Variants in TACC1 observed in about 807,000 individuals in gnomAD.
TACC1 encodes transforming acidic coiled-coil-containing protein 1.
Under a neutral mutation model 84.4 loss-of-function variants are expected in TACC1, and 48 were observed. The ratio of observed to expected loss-of-function variants is 0.57; its 90% CI spans 0.45 to 0.72. The LOEUF (loss-of-function observed/expected upper bound fraction) is 0.72. TACC1 is among the 30% of genes least tolerant of loss of function. TACC1 has a pLI of 0.00. For missense variants in TACC1, 920 were observed against 973.0 expected (o/e 0.95, Z 0.72); for synonymous variants, 372 against 376.3 (o/e 0.99, Z 0.13).
chr8:38,760,612 C>A (rs1249945333), intron 3 of TACC1, among the ~76,000 whole-genome samples: 1 of 151,988 alleles, frequency 6.6e-6, no homozygotes, highest in Non-Finnish European at 1.5e-5. Flanking sequence ...CTCACTGCAA[C>A]CTTCAGGTTC....
upstream of TACC1, among the ~76,000 whole-genome samples, chr8:38,783,428 T>C (rs1816537611): frequency 6.6e-6 from 1 of 150,720 alleles, no homozygotes; most frequent in Non-Finnish European, 1.5e-5. Flanking sequence ...GTATTTTCTT[T>C]TTTTTTTTTT....
At chr8:38,828,125 T>C (rs181630377) in intron 5 of TACC1, 105 of 152,542 alleles carry the variant, frequency 6.9e-4, no homozygotes, top group African/African-American at 2.1e-3. Context: ...TTTGTGATTG[T>C]TATACTCATT....
At chr8:38,798,216 A>C (rs1820448982) in intron 2 of TACC1, among the ~76,000 whole-genome samples, 1 of 151,540 alleles carries the variant, frequency 6.6e-6, no homozygotes, top group African/African-American at 2.4e-5. Context: ...CTCAACTCCC[A>C]GTCTTAAGGG....
chr8:38,814,185 T>C (rs1824889192), intron 2 of TACC1, among the ~76,000 whole-genome samples: 1 of 152,210 alleles, frequency 6.6e-6, no homozygotes, highest in Non-Finnish European at 1.5e-5. Context: ...GTGATATTAA[T>C]ATTCTGTAGG....
At chr8:38,747,504 G>T (rs1168669376) in intron 3 of TACC1, among the ~76,000 whole-genome samples, 2 of 152,136 alleles carry the variant, frequency 1.3e-5, no homozygotes, top group African/African-American at 4.8e-5. Context: ...CCAGACAATG[G>T]AATATTATTC....
chr8:38,795,656 G>C (rs955849714), intron 2 of TACC1, among the ~76,000 whole-genome samples: 11 of 152,176 alleles, frequency 7.2e-5, no homozygotes, highest in Non-Finnish European at 1.6e-4. Context: ...CCTAAATCCA[G>C]AGTAGCGATG....
At chr8:38,733,965 A>G (rs1167975211) in intron 1 of TACC1, among the ~76,000 whole-genome samples, 3 of 152,118 alleles carry the variant, frequency 2.0e-5, no homozygotes, top group Non-Finnish European at 2.9e-5. Flanking sequence ...TCCCTGCCTC[A>G]AATAATGCAC....
intron 5 of TACC1, among the ~76,000 whole-genome samples, chr8:38,829,053 C>G (rs1178354304): frequency 1.3e-5 from 2 of 152,146 alleles, no homozygotes; most frequent in African/African-American, 4.8e-5. Flanking sequence ...TAGAGCTAAG[C>G]CCCTCTTTCT....
chr8:38,769,758 G>T (rs1203983674), intron 3 of TACC1, among the ~76,000 whole-genome samples: 1 of 147,328 alleles, frequency 6.8e-6, no homozygotes, highest in African/African-American at 2.5e-5. Flanking sequence ...GTGTGTGTAT[G>T]TGTATGCGAG....
chr8:38,787,726 CA>C lies in TACC1; in HGVS notation c.147del (p.Lys49AsnfsTer3). 6.5e-7 allele frequency: 1 copy of C among 1,547,056 alleles called. No homozygotes were observed. The highest frequency in any genetic ancestry group is 8.7e-7 in the Non-Finnish European group (1 of 1,154,938). ...PEEEDSQAET[K>X]SLSFSSDSEG... ...AGGAGGAGGATTCGCAAGCCGAGAC[CA>C]AATCCTTGAGTTTCAGGCAAGTACA... On this transcript the variant is annotated frameshift_variant, in exon 1 of 13. Transcript: ENST00000317827. LOFTEE classifies it high-confidence loss of function.
intron 3 of TACC1, among the ~76,000 whole-genome samples, chr8:38,765,877 T>TA (rs1812150957): frequency 7.0e-6 from 1 of 142,050 alleles, no homozygotes; most frequent in Non-Finnish European, 1.6e-5. Flanking sequence ...TTCTCATAGA[T>TA]TTTTTTTTTA....
intron 2 of TACC1, among the ~76,000 whole-genome samples, chr8:38,744,725 C>T (rs147057125): frequency 0.012 from 1,694 of 139,718 alleles, 12 homozygotes; most frequent in Non-Finnish European, 0.015. Flanking sequence ...GAACTATTTT[C>T]GGTATTCTTT....
rs112794381 is a variant in TACC1, at chr8:38,790,368, G to A, written c.277+1549G>A. ...TCACATTCATAGGTACTAGGAGTTG[G>A]GACTTTAACATATCATTTTGAGAGA... is the stretch of plus-strand genomic sequence containing the variant. On this transcript the variant is annotated intron_variant, in intron 2 of 12. Coordinates refer to ENST00000317827, the MANE Select transcript of TACC1 (RefSeq NM_006283.3). 7.9e-3 allele frequency among the ~76,000 whole-genome samples: 1,210 copies of A among 152,232 alleles called. 14 individuals are homozygous for A. The highest frequency in any genetic ancestry group is 0.027 in the African/African-American group (1,140 of 41,524).
chr8:38,756,787 A>G (rs892326083), intron 3 of TACC1, among the ~76,000 whole-genome samples: 3 of 152,244 alleles, frequency 2.0e-5, no homozygotes, highest in African/African-American at 7.2e-5. Flanking sequence ...CCCTAGTCTC[A>G]GGAGGCAGAA....
At chr8:38,814,089 C>T (rs1245516040) in intron 2 of TACC1, among the ~76,000 whole-genome samples, 1 of 152,154 alleles carries the variant, frequency 6.6e-6, no homozygotes, top group African/African-American at 2.4e-5. Flanking sequence ...GAGAGAGAAT[C>T]TGTTATTTGT....
upstream of TACC1, among the ~76,000 whole-genome samples, chr8:38,783,106 C>CTATCTATCTATATA (rs1393110234): frequency 1.1e-5 from 1 of 87,426 alleles, no homozygotes; most frequent in African/African-American, 3.6e-5. Context: ...ATCTATCTAT[C>CTATCTATCTATATA]TATATATATA....
At chr8:38,793,910 A>T (rs942962174) in intron 2 of TACC1, among the ~76,000 whole-genome samples, 12 of 152,234 alleles carry the variant, frequency 7.9e-5, no homozygotes, top group African/African-American at 2.9e-4. Flanking sequence ...ATGTCAACCT[A>T]CATCTATACT....
chr8:38,836,246 G>C lies in TACC1; in HGVS notation c.1798G>C (p.Glu600Gln). 6 of 1,612,438 alleles carry C rather than the reference G, an allele frequency of 3.7e-6. No homozygotes were observed. The highest frequency in any genetic ancestry group is 1.1e-5 in the South Asian group (1 of 91,076). ...CCCCCTGGATGGGATCTGCCTCAGC[G>C]AATCAGACAAGACAGCCGTGCTCAC... ...ESPLDGICLS[E>Q]SDKTAVLTLI... The change falls in exon 7 of 13, where the codon GAA becomes CAA. Residue 600 changes from glutamate (E) to glutamine (Q), a missense_variant. Transcript: ENST00000317827.
intron 2 of TACC1, among the ~76,000 whole-genome samples, chr8:38,813,772 C>T (rs996477335): frequency 1.3e-5 from 2 of 152,120 alleles, no homozygotes; most frequent in African/African-American, 4.8e-5. Flanking sequence ...GTTTGTCTCT[C>T]GTTAGGTGAC....
Sources: gnomAD v4.1 joint callset for allele counts (sites outside exome capture counted in the v4.1 genomes callset) on GRCh38, gnomAD v4.1.1 for gene constraint, MANE v1.5 for transcripts, NCBI Gene and HGNC (gene_info 2026-07-23, HGNC 2026-07-21) for gene names.